MAST3: variants seen among roughly 807,000 people sequenced by gnomAD.
The protein encoded by MAST3 is microtubule-associated serine/threonine-protein kinase 3.
A neutral mutation model predicts 127.0 loss-of-function variants in MAST3; 43 were observed. The observed-to-expected ratio is 0.34, with a 90% CI of 0.27 to 0.44. The LOEUF is 0.44. Among genes scored for constraint, MAST3 ranks in the 20% least tolerant of loss-of-function variants. The probability of loss-of-function intolerance (pLI) is 1.00; values close to 1 mark genes in which losing one functional copy is unlikely to be tolerated. For missense variants in MAST3, 1,390 were observed against 1,919.1 expected (o/e 0.72, Z 5.15); for synonymous variants, 785 against 809.2 (o/e 0.97, Z 0.51).
chr19:18,103,088 G>C (rs959965500), intron 1 of MAST3, among the ~76,000 whole-genome samples: 1 of 152,226 alleles, frequency 6.6e-6, no homozygotes, highest in Non-Finnish European at 1.5e-5. Flanking sequence ...ACTCCCAGGG[G>C]AACAGCAGGC....
chr19:18,142,390 C>G (rs569970440), intron 21 of MAST3, among the ~76,000 whole-genome samples: 2 of 133,986 alleles, frequency 1.5e-5, no homozygotes, highest in Non-Finnish European at 3.1e-5. Flanking sequence ...CTCGCTCTGT[C>G]GCACAGGCTG....
chr19:18,141,053 C>G (rs893499038), intron 20 of MAST3, among the ~76,000 whole-genome samples: 14 of 152,254 alleles, frequency 9.2e-5, no homozygotes, highest in Middle Eastern at 3.4e-3. Flanking sequence ...CTCAGCCTCC[C>G]AAAGTCCTGG....
rs766320911 is a variant in MAST3, at chr19:18,147,490, A to G, written c.3374A>G (p.His1125Arg). The G allele has an allele frequency of 1.9e-6, 3 of 1,612,776 alleles. No homozygotes were observed. The South Asian group carries it at 3.3e-5, about 18-fold the overall frequency. Residue 1125 changes from histidine (H) to arginine (R), a missense_variant, in exon 27 of 28, where the codon CAC (histidine) becomes CGC (arginine). Physicochemically the swap from His to Arg is conservative, Grantham distance 29 (BLOSUM62 0). Around this residue, in one of 5 missense-constraint regions of MAST3, gnomAD observed 816 missense variants for 934.1 expected, o/e 0.87. Transcript: ENST00000687212. ...KKISKQTSVL[H>R]TSRSFSSGLH... ...ATCTCCAAGCAGACCTCCGTGCTGC[A>G]CACCAGCCGCAGCTTCTCCTCCGGA...
At chr19:18,134,197 C>G (rs572695145) in intron 15 of MAST3, among the ~76,000 whole-genome samples, 1 of 150,658 alleles carries the variant, frequency 6.6e-6, no homozygotes, top group South Asian at 2.1e-4. Context: ...GGCAAAACCC[C>G]GTCTCTACTA....
At chr19:18,143,195 C>T (rs989363515) in intron 21 of MAST3, among the ~76,000 whole-genome samples, 44 of 152,026 alleles carry the variant, frequency 2.9e-4, no homozygotes, top group African/African-American at 8.9e-4. Flanking sequence ...AACTCCTGGC[C>T]TCAAACAATC....
Position 18,137,267 on chromosome 19 carries a change from C to G in MAST3, c.2001C>G (p.Pro667=). 1.2e-6 allele frequency: 2 copies of G among 1,613,858 alleles called. No individual in the cohort carries two copies. The highest frequency in any genetic ancestry group is 1.7e-6 in the Non-Finnish European group (2 of 1,179,808). ...GCACCCACGAAGTGAAGCAGCACCC[C>G]TTTTTCCTGGCCCTGGACTGGGCAG... is the stretch of plus-strand genomic sequence containing the variant. The part of the protein sequence containing the change: ...TGGTHEVKQH[P]FFLALDWAGL... Residue 667 remains proline, a synonymous_variant, in exon 19 of 28, where the codon CCC becomes CCG. Coordinates refer to ENST00000687212, the MANE Select transcript of MAST3 (RefSeq NM_001393504.1).
chr19:18,102,304 C>G (rs956406372), intron 1 of MAST3, among the ~76,000 whole-genome samples: 25 of 152,276 alleles, frequency 1.6e-4, no homozygotes, highest in African/African-American at 5.8e-4. Flanking sequence ...CTCAGCCTCC[C>G]AGGTAGCTGG....
chr19:18,123,839 C>A, intron 8 of MAST3, 100 bp from the exon 9 acceptor site: 1 of 1,198,668 alleles, frequency 8.3e-7, no homozygotes, highest in Non-Finnish European at 1.2e-6. Context: ...GCCCCATTGC[C>A]CCATCTCCTC....
At chr19:18,119,441 C>T (rs1270381525) in intron 3 of MAST3, among the ~76,000 whole-genome samples, 5 of 152,150 alleles carry the variant, frequency 3.3e-5, no homozygotes, top group Non-Finnish European at 5.9e-5. Flanking sequence ...TTCACTTTTG[C>T]TTCTGCAGCT....
At chr19:18,104,320 T>C (rs2037889602) in intron 1 of MAST3, among the ~76,000 whole-genome samples, 1 of 151,596 alleles carries the variant, frequency 6.6e-6, no homozygotes, top group Non-Finnish European at 1.5e-5. Context: ...CGCCGTGAGT[T>C]GTCTGTCCTC....
chr19:18,124,807 G>A (rs1354536350), intron 11 of MAST3, 33 bp downstream of exon 11: 2 of 1,558,244 alleles, frequency 1.3e-6, no homozygotes, highest in Admixed American at 2.0e-5. Context: ...AACCAAGGCT[G>A]GGAAAGGCCG....
chr19:18,102,574 G>C (rs11670228), intron 1 of MAST3, among the ~76,000 whole-genome samples: 56,001 of 150,132 alleles, frequency 0.37, 10,771 homozygotes, highest in Admixed American at 0.43. Context: ...CTCCGCCTCC[G>C]GGGTTCAAGG....
intron 21 of MAST3, 110 bp from the exon 22 acceptor site, chr19:18,143,653 C>T: frequency 7.1e-7 from 1 of 1,401,564 alleles, no homozygotes; most frequent in Non-Finnish European, 9.7e-7. Context: ...CCTGTCTATG[C>T]AAATTACCCT....
chr19:18,140,446 C>T (rs551332179), intron 20 of MAST3, among the ~76,000 whole-genome samples: 1 of 152,268 alleles, frequency 6.6e-6, no homozygotes, highest in East Asian at 1.9e-4. Flanking sequence ...GTTGTGCAAC[C>T]ATCACCTCTA....
rs3048876 is a variant in MAST3 at position 18,116,090 on chromosome 19, C to CTTTTTTTTTTTTTTTTTT, written c.161+5353_161+5370dup. On this transcript the variant is annotated intron_variant, in intron 3 of 27. Coordinates refer to ENST00000687212, the MANE Select transcript of MAST3 (RefSeq NM_001393504.1). ...TCTCAGCCTTGGTATTTGAAATTAT[C>CTTTTTTTTTTTTTTTTTT]TTTTTTTTTTTTTTTTTTTTTGAGA... is the stretch of plus-strand genomic sequence containing the variant. Among the ~76,000 whole-genome samples, 9 of 86,350 alleles carry CTTTTTTTTTTTTTTTTTT rather than the reference C, an allele frequency of 1.0e-4. 2 individuals carry two copies. The highest frequency in any genetic ancestry group is 4.9e-4 in the African/African-American group (9 of 18,378). The allele number at this position is 86,350 out of a possible 152,430, so 56.6% of individuals were successfully genotyped here.
At chr19:18,118,516 T>C (rs367925836) in intron 3 of MAST3, among the ~76,000 whole-genome samples, 2 of 152,160 alleles carry the variant, frequency 1.3e-5, no homozygotes, top group South Asian at 4.2e-4. Context: ...GAGATTGAGC[T>C]AGGATTTGAA....
intron 1 of MAST3, chr19:18,098,770 G>C (rs1238023304): frequency 6.6e-6 from 3 of 456,586 alleles, no homozygotes; most frequent in Non-Finnish European, 1.3e-5. Context: ...GAACATTTAT[G>C]GAGCGCCTGC....
At chr19:18,129,060 ATCCT>A in intron 13 of MAST3, 109 bp downstream of exon 13, 5 of 938,690 alleles carry the variant, frequency 5.3e-6, no homozygotes, top group Non-Finnish European at 6.7e-6. Context: ...TCACACATTC[ATCCT>A]TGAATGGGCA....
At chr19:18,107,659 G>A (rs1364034464) in intron 2 of MAST3, 41 bp downstream of exon 2, 1 of 1,587,806 alleles carries the variant, frequency 6.3e-7, no homozygotes, top group Non-Finnish European at 8.6e-7. Context: ...GGGCCCCAGT[G>A]GTCTTGGAAG....
Sources: allele counts gnomAD v4.1 joint callset (sites outside exome capture counted in the v4.1 genomes callset), GRCh38; gene constraint gnomAD v4.1.1; regional missense constraint gnomAD v4.1.1; transcripts MANE v1.5; gene names NCBI Gene and HGNC (gene_info 2026-07-23, HGNC 2026-07-21).